Variants in CCDC77 observed in about 807,000 individuals in gnomAD.
CCDC77 encodes the protein coiled-coil domain containing 77.
A neutral mutation model predicts 66.8 loss-of-function variants in CCDC77; 56 were observed. The observed-to-expected ratio is 0.84, with a 90% CI of 0.68 to 1.05. The LOEUF (loss-of-function observed/expected upper bound fraction) is 1.05, where lower values mean the gene tolerates loss of function less well. CCDC77 is among the 50% of genes least tolerant of loss of function. The probability of loss-of-function intolerance (pLI) is 0.00; values close to 1 mark genes in which losing one functional copy is unlikely to be tolerated. For missense variants in CCDC77, 570 were observed against 576.8 expected, an observed-to-expected ratio of 0.99 and a Z score of 0.12; for synonymous variants, 196 against 195.2, an observed-to-expected ratio of 1.00 and a Z score of -0.03.
intron 2 of CCDC77, among the ~76,000 whole-genome samples, chr12:408,124 A>G (rs1945034707): frequency 1.3e-5 from 2 of 152,150 alleles, no homozygotes; most frequent in African/African-American, 4.8e-5. Flanking sequence ...TACCAGGTAG[A>G]AGGACATAAC....
rs747347473 is a variant in CCDC77, at chr12:415,504, CATA to C, written c.271-2986_271-2984del. ...TTGATATTATTAACATAATTATTAA[CATA>C]ATATGTTAATATTAACATAATTATT... On this transcript the variant is annotated intron_variant, in intron 4 of 12. Coordinates refer to ENST00000239830, the MANE Select transcript of CCDC77 (RefSeq NM_032358.4). Among the ~76,000 whole-genome samples the C allele has an allele frequency of 8.8e-4, 128 of 145,120 alleles. 3 individuals are homozygous for C. Among genetic ancestry groups the C allele is most frequent in the South Asian group, 8.0e-3 (37 of 4,608 alleles).
intron 4 of CCDC77, among the ~76,000 whole-genome samples, chr12:413,937 C>G (rs1945170254): frequency 6.6e-6 from 1 of 151,012 alleles, no homozygotes; most frequent in Non-Finnish European, 1.5e-5. Flanking sequence ...TGGGAAATGT[C>G]TTGACTGCAG....
chr12:399,922 C>G (rs150677008), upstream of CCDC77, among the ~76,000 whole-genome samples: 1 of 152,322 alleles, frequency 6.6e-6, no homozygotes, highest in East Asian at 1.9e-4. Flanking sequence ...GTATTGACTT[C>G]TCTCTAGCTA....
At chr12:408,062 C>T (rs1165251084) in intron 2 of CCDC77, among the ~76,000 whole-genome samples, 2 of 152,146 alleles carry the variant, frequency 1.3e-5, no homozygotes, top group Admixed American at 6.5e-5. Context: ...GCTGGGATTA[C>T]AGGCATGAGC....
chr12:412,174 T>A (rs574153570), intron 4 of CCDC77, among the ~76,000 whole-genome samples, 196 bp downstream of exon 4: 1 of 152,320 alleles, frequency 6.6e-6, no homozygotes, highest in East Asian at 1.9e-4. Context: ...AAATCTTAAA[T>A]TCTGACATCT....
intron 4 of CCDC77, among the ~76,000 whole-genome samples, chr12:415,618 A>G (rs928317538): frequency 3.3e-5 from 5 of 151,308 alleles, no homozygotes; most frequent in African/African-American, 9.7e-5. Context: ...GTATGTATCT[A>G]TAGACCTCTG....
rs879418342 is a variant in CCDC77 at position 417,901 on chromosome 12, C to CA, written c.271-582dup. On this transcript the variant is annotated intron_variant, in intron 4 of 12. Coordinates refer to ENST00000239830, the MANE Select transcript of CCDC77 (RefSeq NM_032358.4). Reference sequence around the variant, plus strand: ...TGGGCGACAGAGTGAGACTCTGTCTCAAAAAAAAAAAGTGTGGATAGAATA... The same window carrying CA: ...TGGGCGACAGAGTGAGACTCTGTCTCAAAAAAAAAAAAGTGTGGATAGAATA... Among the ~76,000 whole-genome samples the CA allele has an allele frequency of 2.1e-3, 280 of 136,150 alleles. 2 individuals are homozygous for CA. The highest frequency in any genetic ancestry group is 3.1e-3 in the Admixed American group (42 of 13,596). 89.3% of individuals were successfully genotyped at this position (136,150 alleles called of 152,430 possible).
chr12:400,587 G>A (rs1292256156), upstream of CCDC77, among the ~76,000 whole-genome samples: 1 of 152,204 alleles, frequency 6.6e-6, no homozygotes, highest in Non-Finnish European at 1.5e-5. Context: ...GAGGCAAGAA[G>A]AGAGGGAGAA....
At chr12:439,655 C>T (rs1199515136) in intron 10 of CCDC77, among the ~76,000 whole-genome samples, 1 of 151,790 alleles carries the variant, frequency 6.6e-6, no homozygotes, top group Non-Finnish European at 1.5e-5. Flanking sequence ...TGGCGGACAC[C>T]TGTAATCCCA....
At chr12:413,931 A>G (rs1389321823) in intron 4 of CCDC77, among the ~76,000 whole-genome samples, 1 of 150,322 alleles carries the variant, frequency 6.7e-6, no homozygotes. Context: ...CCCAGCTGGG[A>G]AATGTCTTGA....
chr12:413,263 G>C (rs947648297), intron 4 of CCDC77, among the ~76,000 whole-genome samples: 60 of 146,094 alleles, frequency 4.1e-4, no homozygotes, highest in African/African-American at 1.5e-3. Context: ...TTGAGACAGC[G>C]TCTTACTCTG....
upstream of CCDC77, among the ~76,000 whole-genome samples, chr12:398,418 A>T (rs1944856182): frequency 6.7e-6 from 1 of 150,088 alleles, no homozygotes; most frequent in African/African-American, 2.4e-5. Context: ...AGATTGCAGC[A>T]ATTCAGTCAC....
At chr12:413,872 C>A (rs956072250) in intron 4 of CCDC77, among the ~76,000 whole-genome samples, 3 of 151,602 alleles carry the variant, frequency 2.0e-5, no homozygotes, top group Non-Finnish European at 4.4e-5. Flanking sequence ...AGGCAACCTG[C>A]CTGCCTCGGC....
exon 1 of CCDC77, chr12:389,438 G>A: frequency 4.2e-6 from 2 of 472,882 alleles, no homozygotes; most frequent in East Asian, 3.8e-5. Context: ...TTGTCTCCTT[G>A]CCCGCCAAAG....
intron 7 of CCDC77, 67 bp from the exon 8 acceptor site, chr12:431,799 T>A (rs1350817211): frequency 1.0e-6 from 1 of 1,002,124 alleles, no homozygotes; most frequent in Non-Finnish European, 1.6e-6. Context: ...TGGGAAATAC[T>A]GATATTTCAA....
chr12:418,802 G>A (rs966399682), intron 5 of CCDC77, 166 bp downstream of exon 5: 5 of 653,090 alleles, frequency 7.7e-6, no homozygotes, highest in African/African-American at 1.8e-5. Context: ...TGGTTCCAGC[G>A]ATTCTCATGC....
chr12:425,349 G>A (rs753758260), intron 5 of CCDC77, among the ~76,000 whole-genome samples: 4 of 138,106 alleles, frequency 2.9e-5, no homozygotes, highest in African/African-American at 6.5e-5. Flanking sequence ...GCATGGTCTC[G>A]CTCCAGATTC....
intron 5 of CCDC77, among the ~76,000 whole-genome samples, chr12:427,232 G>A (rs11062929): frequency 0.39 from 58,000 of 148,802 alleles, 11,847 homozygotes; most frequent in Non-Finnish European, 0.46. Flanking sequence ...GCGACAGAGC[G>A]AGACTCTGCC....
upstream of CCDC77, among the ~76,000 whole-genome samples, chr12:397,804 G>A (rs995365083): frequency 1.2e-4 from 18 of 151,924 alleles, no homozygotes; most frequent in Admixed American, 5.2e-4. Context: ...CCGCCACCAC[G>A]CCCGGCTAAT....
Sources: allele counts gnomAD v4.1 joint callset (sites outside exome capture counted in the v4.1 genomes callset), GRCh38; gene constraint gnomAD v4.1.1; transcripts MANE v1.5; gene names NCBI Gene and HGNC (gene_info 2026-07-23, HGNC 2026-07-21).